Variants in SPATA17 observed in about 807,000 individuals in gnomAD.
SPATA17 encodes spermatogenesis associated 17, also known as spermatogenesis-associated protein 17.
Under a neutral mutation model 62.2 loss-of-function variants are expected in SPATA17, and 53 were observed. The ratio of observed to expected loss-of-function variants is 0.85; its 90% CI spans 0.68 to 1.07. The LOEUF is 1.07. Among genes scored for constraint, SPATA17 ranks in the 50% least tolerant of loss-of-function variants. The pLI is 0.00. For missense variants in SPATA17, 466 were observed against 425.5 expected (o/e 1.10, Z -0.84); for synonymous variants, 146 against 146.8 (o/e 0.99, Z 0.04).
chr1:217,777,822 T>C (rs1048448507), intron 7 of SPATA17, among the ~76,000 whole-genome samples: 3 of 152,054 alleles, frequency 2.0e-5, no homozygotes, highest in Admixed American at 1.3e-4. Flanking sequence ...AAAAGAGAGA[T>C]AGTAGGAAAA....
intron 9 of SPATA17, among the ~76,000 whole-genome samples, chr1:217,827,913 G>GA (rs2103000210): frequency 6.6e-6 from 1 of 152,120 alleles, no homozygotes; most frequent in South Asian, 2.1e-4. Context: ...GAGCATTAGG[G>GA]AAAAAAGCTA....
intron 3 of SPATA17, chr1:217,665,178 T>C (rs1454966489): frequency 6.6e-6 from 1 of 152,148 alleles, no homozygotes; most frequent in Non-Finnish European, 1.5e-5. Context: ...TAAACCTAAA[T>C]ATGGGATATA....
intron 9 of SPATA17, among the ~76,000 whole-genome samples, chr1:217,817,032 G>T (rs899065871): frequency 2.6e-5 from 4 of 151,952 alleles, no homozygotes; most frequent in Admixed American, 2.6e-4. Context: ...AGGGAATGGG[G>T]CTTTAAAAAA....
chr1:217,757,783 T>C (rs930185716), intron 6 of SPATA17, among the ~76,000 whole-genome samples: 5 of 152,144 alleles, frequency 3.3e-5, no homozygotes, highest in Admixed American at 6.6e-5. Context: ...TGAAAGAGGA[T>C]GCAGTGAAGA....
At position 217,696,389 on chromosome 1, in the gene SPATA17, G is replaced by A. The variant is rs1036760257; in HGVS notation, c.395+13028G>A. ...GCGCACCCACTGGCCTGCGCCCACT[G>A]TCTGGCACTCCCTAGTGAGATGAAC... On this transcript the variant is annotated intron_variant, in intron 5 of 10. Transcript: ENST00000366933. Among the ~76,000 whole-genome samples the A allele has an allele frequency of 3.9e-5, 6 of 152,154 alleles. No homozygotes were observed. The South Asian group carries it at 1.2e-3, about 31-fold the overall frequency.
chr1:217,781,047 A>G (rs1029939147), intron 7 of SPATA17, among the ~76,000 whole-genome samples: 1 of 152,156 alleles, frequency 6.6e-6, no homozygotes, highest in African/African-American at 2.4e-5. Context: ...AAATCCATTA[A>G]CTACTTTCAA....
At chr1:217,667,808 C>A (rs1265471503) in intron 3 of SPATA17, among the ~76,000 whole-genome samples, 1 of 152,210 alleles carries the variant, frequency 6.6e-6, no homozygotes, top group South Asian at 2.1e-4. Flanking sequence ...TTTTAAATCA[C>A]CTCAAACACC....
chr1:217,683,765 T>C lies in SPATA17; in HGVS notation c.395+404T>C, dbSNP rs187151874. On this transcript the variant is annotated intron_variant, in intron 5 of 10. Coordinates refer to ENST00000366933, the MANE Select transcript of SPATA17 (RefSeq NM_138796.4). The stretch of plus-strand genomic sequence containing the variant: ...AAAAATATTTTCTAAAAGTCAGTGA[T>C]GTTTAGGCAGACATTTATTGATAAA... Among the ~76,000 whole-genome samples the C allele has an allele frequency of 1.5e-3, 234 of 152,192 alleles. 1 individual carries two copies. The highest frequency in any genetic ancestry group is 2.4e-3 in the Non-Finnish European group (160 of 68,000).
intron 9 of SPATA17, among the ~76,000 whole-genome samples, chr1:217,815,103 T>C (rs1674679871): frequency 6.6e-6 from 1 of 152,264 alleles, no homozygotes; most frequent in Admixed American, 6.5e-5. Context: ...TCCAAACCTA[T>C]TGCCTTCACT....
At chr1:217,782,575 A>C in intron 8 of SPATA17, among the ~76,000 whole-genome samples, 1 of 152,236 alleles carries the variant, frequency 6.6e-6, no homozygotes, top group South Asian at 2.1e-4. Context: ...ATCACTATCT[A>C]TGTATCTGTG....
chr1:217,831,796 G>A (rs1238096995), intron 9 of SPATA17, among the ~76,000 whole-genome samples: 1 of 152,012 alleles, frequency 6.6e-6, no homozygotes. Flanking sequence ...ATTTATTATG[G>A]CAGTAATGAA....
At chr1:217,793,228 T>TG (rs1227372886) in intron 8 of SPATA17, among the ~76,000 whole-genome samples, 7 of 145,874 alleles carry the variant, frequency 4.8e-5, no homozygotes, top group Non-Finnish European at 6.0e-5. Flanking sequence ...TTTGTTTTTT[T>TG]TTTTTTTTTT....
intron 9 of SPATA17, among the ~76,000 whole-genome samples, chr1:217,842,489 A>G (rs888022866): frequency 4.6e-5 from 7 of 151,934 alleles, no homozygotes; most frequent in African/African-American, 1.7e-4. Flanking sequence ...AGGACAATTC[A>G]GATTTCTATT....
chr1:217,814,571 G>C (rs193294194), intron 9 of SPATA17, among the ~76,000 whole-genome samples: 1 of 152,134 alleles, frequency 6.6e-6, no homozygotes, highest in African/African-American at 2.4e-5. Flanking sequence ...TCTCAGACCA[G>C]GTGCAATGGC....
intron 3 of SPATA17, among the ~76,000 whole-genome samples, chr1:217,663,447 A>C (rs968501301): frequency 3.5e-5 from 5 of 144,050 alleles, no homozygotes; most frequent in African/African-American, 1.3e-4. Flanking sequence ...CTCCATCTCA[A>C]AAAAAAAAAA....
chr1:217,666,563 T>C (rs746191898), intron 3 of SPATA17, among the ~76,000 whole-genome samples: 6 of 151,998 alleles, frequency 3.9e-5, no homozygotes, highest in Non-Finnish European at 8.8e-5. Flanking sequence ...TATGGTAAAA[T>C]ATGTGTAGCA....
intron 5 of SPATA17, among the ~76,000 whole-genome samples, chr1:217,727,270 A>C (rs994508503): frequency 6.7e-6 from 1 of 148,892 alleles, no homozygotes; most frequent in African/African-American, 2.5e-5. Context: ...AATAATAATA[A>C]TAATAATAAT....
chr1:217,773,183 G>C (rs1673497363), intron 6 of SPATA17, among the ~76,000 whole-genome samples: 1 of 152,140 alleles, frequency 6.6e-6, no homozygotes, highest in Non-Finnish European at 1.5e-5. Flanking sequence ...GGTTTTCGAA[G>C]ACAGCTATCT....
intron 9 of SPATA17, among the ~76,000 whole-genome samples, chr1:217,826,334 TTG>T (rs1675000941): frequency 6.6e-6 from 1 of 152,124 alleles, no homozygotes; most frequent in Non-Finnish European, 1.5e-5. Context: ...TATCATCTCT[TTG>T]TAGGCCCAAA....
Sources: gnomAD v4.1 joint callset for allele counts (sites outside exome capture counted in the v4.1 genomes callset) on GRCh38, gnomAD v4.1.1 for gene constraint, MANE v1.5 for transcripts, NCBI Gene and HGNC (gene_info 2026-07-23, HGNC 2026-07-21) for gene names.